VRK2: variants seen among roughly 807,000 people sequenced by gnomAD.
VRK2 encodes serine/threonine-protein kinase VRK2.
In VRK2, 60 loss-of-function variants were observed where a neutral mutation model predicts 57.6. The observed-to-expected ratio is 1.04, with a 90% CI of 0.85 to 1.29. The LOEUF (loss-of-function observed/expected upper bound fraction) is 1.29. Among genes scored for constraint, VRK2 ranks in the 50% most tolerant of loss-of-function variants. The pLI is 0.00. For missense variants in VRK2, 705 were observed against 588.1 expected, an observed-to-expected ratio of 1.20 and a Z score of -2.06; for synonymous variants, 231 against 199.2, an observed-to-expected ratio of 1.16 and a Z score of -1.35.
chr2:58,012,015 C>A (rs1302275129), intron 1 of VRK2, among the ~76,000 whole-genome samples: 1 of 152,176 alleles, frequency 6.6e-6, no homozygotes, highest in Non-Finnish European at 1.5e-5. Flanking sequence ...CTGTAGAACA[C>A]CAGACACTGT....
intron 7 of VRK2, among the ~76,000 whole-genome samples, 175 bp from the exon 8 acceptor site, chr2:58,122,926 G>C (rs1677736608): frequency 6.6e-6 from 1 of 152,148 alleles, no homozygotes; most frequent in South Asian, 2.1e-4. Flanking sequence ...ATTTAAGTTG[G>C]AAAGTTAGTT....
intron 1 of VRK2, chr2:58,025,579 T>G (rs934484943): frequency 1.3e-5 from 2 of 152,348 alleles, no homozygotes; most frequent in East Asian, 1.9e-4. Flanking sequence ...TTATAAATTT[T>G]GCTCATTCAT....
chr2:58,045,965 T>C (rs1463855469), upstream of VRK2, among the ~76,000 whole-genome samples: 1 of 152,216 alleles, frequency 6.6e-6, no homozygotes, highest in East Asian at 1.9e-4. Flanking sequence ...TACCTCAGCC[T>C]GCCGAGTAGC....
chr2:57,943,229 T>C (rs1385425083), intron 1 of VRK2, among the ~76,000 whole-genome samples: 1 of 152,226 alleles, frequency 6.6e-6, no homozygotes, highest in Non-Finnish European at 1.5e-5. Context: ...AGACATGATC[T>C]ATCCAGCAGA....
At chr2:57,943,354 C>G in intron 1 of VRK2, among the ~76,000 whole-genome samples, 1 of 152,110 alleles carries the variant, frequency 6.6e-6, no homozygotes, top group East Asian at 1.9e-4. Context: ...GATTTTTATT[C>G]CAGGCAACTG....
At position 58,084,953 on chromosome 2, in the gene VRK2, A is replaced by T. The variant is rs928560912; in HGVS notation, c.256+3A>T. 2 of 1,576,196 alleles carry T rather than the reference A, an allele frequency of 1.3e-6. No individual in the cohort carries two copies. Among genetic ancestry groups the T allele is most frequent in the South Asian group, 1.2e-5 (1 of 83,840 alleles). ...GAGAGTTGCAAAAAAAGACTGTAGT[A>T]AGTAAAATTAGCAAAGCAAGCTACT... is the stretch of plus-strand genomic sequence containing the variant. On this transcript the variant is annotated splice_donor_region_variant and intron_variant, in intron 4 of 12. Coordinates refer to ENST00000340157, the MANE Select transcript of VRK2 (RefSeq NM_006296.7).
At chr2:58,078,576 A>G (rs1295561488) in intron 2 of VRK2, among the ~76,000 whole-genome samples, 1 of 152,006 alleles carries the variant, frequency 6.6e-6, no homozygotes, top group Non-Finnish European at 1.5e-5. Flanking sequence ...CCGCCATACC[A>G]TTTTTTATAG....
At position 58,086,374 on chromosome 2, in the gene VRK2, T is replaced by G; in HGVS notation, c.292T>G (p.Leu98Val). The change falls in exon 5 of 13, where the codon TTA (leucine) becomes GTA (valine). Residue 98 changes from leucine to valine, a missense_variant. By Grantham distance (32) the Leu-to-Val change is conservative. Transcript: ENST00000340157. Reference sequence around the variant, plus strand: ...GATAGAACGCAAACAACTTGATTATTTAGGAATTCCTCTGTTTTATGGATC... The same window carrying G: ...GATAGAACGCAAACAACTTGATTATGTAGGAATTCCTCTGTTTTATGGATC... ...KWIERKQLDYLGIPLFYGSGL... is the reference protein window; with the variant it reads ...KWIERKQLDYVGIPLFYGSGL... 1 of 1,605,412 alleles carries G rather than the reference T, an allele frequency of 6.2e-7. No homozygotes were observed. The highest frequency in any genetic ancestry group is 2.3e-5 in the East Asian group (1 of 44,340).
At chr2:58,133,799 A>G (rs1423218683) in intron 9 of VRK2, among the ~76,000 whole-genome samples, 2 of 152,226 alleles carry the variant, frequency 1.3e-5, no homozygotes, top group Admixed American at 1.3e-4. Context: ...ATCATGGGAC[A>G]GCATAAAATA....
intron 1 of VRK2, among the ~76,000 whole-genome samples, chr2:57,925,101 AT>A (rs1670487916): frequency 6.6e-6 from 1 of 151,746 alleles, no homozygotes; most frequent in South Asian, 2.1e-4. Context: ...GTGTTGTTGA[AT>A]TTGTTTTAGT....
At chr2:57,970,025 T>A (rs1672045234) in intron 1 of VRK2, among the ~76,000 whole-genome samples, 1 of 151,644 alleles carries the variant, frequency 6.6e-6, no homozygotes, top group African/African-American at 2.4e-5. Context: ...AGGTCCAGAA[T>A]CTTAGGTTTG....
At chr2:57,983,558 T>C (rs1368160874) in intron 1 of VRK2, among the ~76,000 whole-genome samples, 1 of 152,144 alleles carries the variant, frequency 6.6e-6, no homozygotes, top group South Asian at 2.1e-4. Context: ...GGGAAAGGCA[T>C]AGAAAAAAAC....
At chr2:58,147,804 T>G (rs1374545968) in intron 12 of VRK2, among the ~76,000 whole-genome samples, 1 of 151,460 alleles carries the variant, frequency 6.6e-6, no homozygotes, top group Admixed American at 6.6e-5. Context: ...CTCAGTGTTT[T>G]TTTTTTTTTT....
rs370592926 is a variant in VRK2 at position 58,118,813 on chromosome 2, TA to T, written c.544-4287del. ...CGAAAAGAGAGTCAGCGAAGGGAGATAGGGGTGGGGCCGTTTTATAGGATTT... is the reference window on the plus strand; with the variant it reads ...CGAAAAGAGAGTCAGCGAAGGGAGATGGGGTGGGGCCGTTTTATAGGATTT... On this transcript the variant is annotated intron_variant, in intron 7 of 12. Coordinates refer to ENST00000340157, the MANE Select transcript of VRK2 (RefSeq NM_006296.7). Among the ~76,000 whole-genome samples the T allele has an allele frequency of 3.3e-4, 50 of 152,118 alleles. No homozygotes were observed. The South Asian group carries it at 9.6e-3, about 29-fold the overall frequency.
chr2:58,135,022 A>G (rs1679811525), intron 9 of VRK2, 119 bp from the exon 10 acceptor site: 2 of 1,049,774 alleles, frequency 1.9e-6, no homozygotes, highest in African/African-American at 1.6e-5. Context: ...TGACAAAAAA[A>G]AAAGCATTGA....
intron 1 of VRK2, among the ~76,000 whole-genome samples, chr2:57,973,426 T>C (rs1672154673): frequency 1.3e-5 from 2 of 151,942 alleles, no homozygotes; most frequent in African/African-American, 4.8e-5. Context: ...AATTTAAATA[T>C]GTTTACTCAA....
intron 1 of VRK2, among the ~76,000 whole-genome samples, chr2:57,928,961 G>A (rs1452187748): frequency 1.3e-5 from 2 of 152,304 alleles, no homozygotes; most frequent in Non-Finnish European, 2.9e-5. Flanking sequence ...GGATGACACA[G>A]CACCCTAGTG....
intron 1 of VRK2, among the ~76,000 whole-genome samples, chr2:57,926,334 C>A (rs978665669): frequency 6.6e-5 from 10 of 151,484 alleles, no homozygotes; most frequent in African/African-American, 1.9e-4. Flanking sequence ...TTGAAGTCTC[C>A]AGCTACTACT....
At chr2:57,969,965 C>G (rs1264005315) in intron 1 of VRK2, among the ~76,000 whole-genome samples, 3 of 151,994 alleles carry the variant, frequency 2.0e-5, no homozygotes, top group East Asian at 3.9e-4. Flanking sequence ...CAGTTTCCCC[C>G]CCGTAACCTA....
Sources: allele counts gnomAD v4.1 joint callset (sites outside exome capture counted in the v4.1 genomes callset), GRCh38; gene constraint gnomAD v4.1.1; transcripts MANE v1.5; gene names NCBI Gene and HGNC (gene_info 2026-07-23, HGNC 2026-07-21).